DHX58: variants seen among roughly 807,000 people sequenced by gnomAD.
The protein encoded by DHX58 is ATP-dependent RNA helicase DHX58.
A neutral mutation model predicts 65.0 loss-of-function variants in DHX58; 51 were observed. The ratio of observed to expected loss-of-function variants is 0.78; its 90% CI spans 0.63 to 0.99. The LOEUF is 0.99. DHX58 is among the 50% of genes least tolerant of loss of function. The pLI, the probability that DHX58 is intolerant of heterozygous loss-of-function variation, is 0.00. For synonymous variants in DHX58, 350 were observed against 365.0 expected (o/e 0.96, Z 0.47); for missense variants, 773 against 891.8 (o/e 0.87, Z 1.70).
At chr17:42,108,526 G>A (rs971268150) in intron 6 of DHX58, among the ~76,000 whole-genome samples, 6 of 152,182 alleles carry the variant, frequency 3.9e-5, no homozygotes, top group African/African-American at 1.2e-4. Flanking sequence ...GGTTCAGCTC[G>A]GCACGGCAGG....
At position 42,104,931 on chromosome 17, in the gene DHX58, G is replaced by A; in HGVS notation, c.1402-4C>T. On this transcript the variant is annotated splice_polypyrimidine_tract_variant and splice_region_variant and intron_variant, in intron 10 of 13. Transcript: ENST00000251642. ...CGGCCCGGGCACGGCCCCTGGCCTG[G>A]GAAGAGAGACAAGGGGTGTCCTGAG... The A allele has an allele frequency of 6.2e-7, 1 of 1,614,024 alleles. No homozygotes were observed. Among genetic ancestry groups the A allele is most frequent in the Non-Finnish European group, 8.5e-7 (1 of 1,180,000 alleles).
chr17:42,109,766 G>A (rs1239672445), intron 5 of DHX58, among the ~76,000 whole-genome samples: 4 of 151,932 alleles, frequency 2.6e-5, no homozygotes, highest in African/African-American at 7.3e-5. Flanking sequence ...ATGGTGGCAC[G>A]CGCCTGTAGT....
chr17:42,104,720 C>T (rs782514139), intron 11 of DHX58, 46 bp downstream of exon 11: 2 of 1,602,272 alleles, frequency 1.2e-6, no homozygotes, highest in East Asian at 2.2e-5. Context: ...GGGAGGGGCT[C>T]CCTCCTCCCC....
chr17:42,107,567 A>G (rs781973889), intron 8 of DHX58, 37 bp downstream of exon 8: 5 of 1,509,350 alleles, frequency 3.3e-6, no homozygotes, highest in Admixed American at 2.1e-5. Flanking sequence ...TCCAGGTCCC[A>G]TCATCCCCGG....
intron 4 of DHX58, 78 bp from the exon 5 acceptor site, chr17:42,110,991 A>G: frequency 6.9e-7 from 1 of 1,456,068 alleles, no homozygotes; most frequent in Non-Finnish European, 9.3e-7. Context: ...AGTCCCCACA[A>G]TGATGTAAGA....
intron 12 of DHX58, chr17:42,102,592 C>T: frequency 2.8e-6 from 1 of 354,270 alleles, no homozygotes; most frequent in South Asian, 4.5e-5. Context: ...CAATCCCAAG[C>T]CATCCTTCCA....
rs782199102 is a variant in DHX58 at position 42,104,764 on chromosome 17, A to T, written c.1563+2T>A. Reference sequence around the variant, plus strand: ...CACAGGGCATGCAGGCTGCCTGCAGACCTTGGCCTGGTACTCGGCCTGGTC... The same window carrying T: ...CACAGGGCATGCAGGCTGCCTGCAGTCCTTGGCCTGGTACTCGGCCTGGTC... On this transcript the variant is annotated splice_donor_variant, in intron 11 of 13. Transcript: ENST00000251642. LOFTEE classifies it high-confidence loss of function. 1 of 1,613,656 alleles carries T rather than the reference A, an allele frequency of 6.2e-7. No individual in the cohort carries two copies. Among genetic ancestry groups the T allele is most frequent in the Non-Finnish European group, 8.5e-7 (1 of 1,179,924 alleles).
At chr17:42,104,210 A>C (rs1337256963) in intron 11 of DHX58, among the ~76,000 whole-genome samples, 1 of 144,330 alleles carries the variant, frequency 6.9e-6, no homozygotes, top group Non-Finnish European at 1.5e-5. Context: ...CGTCTCGGGG[A>C]AAAAAAAAAA....
Position 42,111,310 on chromosome 17 carries a change from T to C in DHX58, c.356A>G (p.His119Arg). The change falls in exon 4 of 14, where the codon CAC becomes CGC. Residue 119 changes from histidine (H) to arginine (R), a missense_variant. Physicochemically the swap from His to Arg is conservative, Grantham distance 29 (BLOSUM62 0). Transcript: ENST00000251642. Reference sequence around the variant, plus strand: ...ATGGCCCTCACCAGTGAGCTCCACGTGCTCCTCCTCCTCGGGGCTGGTCAG... The same window carrying C: ...ATGGCCCTCACCAGTGAGCTCCACGCGCTCCTCCTCCTCGGGGCTGGTCAG... ...MALTSPEEEE[H>R]VELTVFSLIV... is the part of the protein sequence containing the mutation. 1 of 1,612,702 alleles carries C rather than the reference T, an allele frequency of 6.2e-7. No homozygotes were observed.
chr17:42,103,235 G>C, intron 12 of DHX58: 1 of 248,384 alleles, frequency 4.0e-6, no homozygotes, highest in South Asian at 4.9e-5. Flanking sequence ...AATGGATGGA[G>C]GATGGGGGAA....
intron 13 of DHX58, 50 bp from the exon 14 acceptor site, chr17:42,101,996 G>A (rs782431551): frequency 3.2e-6 from 5 of 1,550,238 alleles, no homozygotes; most frequent in Non-Finnish European, 2.6e-6. Context: ...CCTCAGACTG[G>A]GCTTCTCTCC....
chr17:42,102,151 C>T lies in DHX58; in HGVS notation c.1851+65G>A. Reference sequence around the variant, plus strand: ...TGTCTCCCGTGTCCTAGTGAGGGCTCCCTGAGGGCCTCTGAAGACTGGGGC... The same window carrying T: ...TGTCTCCCGTGTCCTAGTGAGGGCTTCCTGAGGGCCTCTGAAGACTGGGGC... On this transcript the variant is annotated intron_variant, in intron 13 of 13. Coordinates refer to ENST00000251642, the MANE Select transcript of DHX58 (RefSeq NM_024119.3). The T allele has an allele frequency of 1.9e-6, 3 of 1,576,188 alleles. No homozygotes were observed. The Admixed American group carries it at 5.0e-5, about 26-fold the overall frequency.
chr17:42,109,134 A>G, intron 6 of DHX58, 136 bp downstream of exon 6: 1 of 686,922 alleles, frequency 1.5e-6, no homozygotes, highest in Non-Finnish European at 2.3e-6. Context: ...ATTTCACAGA[A>G]AGGAGAAATT....
In DHX58 at chr17:42,104,744, G is replaced by T. The variant is rs782465515; in HGVS notation, c.1563+22C>A. On this transcript the variant is annotated intron_variant, in intron 11 of 13. Transcript: ENST00000251642. ...TCCCTCCTCCCCATCCCTCCCACAG[G>T]GCATGCAGGCTGCCTGCAGACCTTG... 15 of 1,612,230 alleles carry T rather than the reference G, an allele frequency of 9.3e-6. No individual in the cohort carries two copies. In the African/African-American group the frequency reaches 2.0e-4, roughly 22 times the overall value.
chr17:42,105,975 G>C lies in DHX58; in HGVS notation c.1012C>G (p.Leu338Val), dbSNP rs782467156. 1 of 1,613,052 alleles carries C rather than the reference G, an allele frequency of 6.2e-7. No homozygotes were observed. The highest frequency in any genetic ancestry group is 8.5e-7 in the Non-Finnish European group (1 of 1,179,640). The change falls in exon 9 of 14, where the codon CTG becomes GTG. Residue 338 changes from leucine (L) to valine (V), a missense_variant. Physicochemically the swap from Leu to Val is conservative, Grantham distance 32. Coordinates refer to ENST00000251642, the MANE Select transcript of DHX58 (RefSeq NM_024119.3). The part of the protein sequence containing the change: ...LALFDDRKNE[L>V]AHLATHGPEN... The stretch of plus-strand genomic sequence containing the variant: ...GGGCCATGAGTTGCCAAGTGGGCCA[G>C]CTCATTCTTGCGGTCTGTCAAAAAC...
intron 1 of DHX58, 63 bp from the exon 2 acceptor site, chr17:42,112,268 C>T: frequency 5.5e-6 from 1 of 181,650 alleles, no homozygotes; most frequent in African/African-American, 2.3e-5. Context: ...GGAAAAAGAA[C>T]CAAGAGAAAA....
At position 42,103,694 on chromosome 17, in the gene DHX58, G is replaced by A. The variant is rs782618742; in HGVS notation, c.1668C>T (p.Cys556=). ...QFPVEHVQLL[C]INCMVAVGHG... ...GGCCCACAGCCACCATGCAGTTGAT[G>A]CAGAGTAGCTGCACGTGCTCCACTG... Residue 556 remains cysteine, a synonymous_variant, in exon 12 of 14, where the codon TGC becomes TGT. Coordinates refer to ENST00000251642, the MANE Select transcript of DHX58 (RefSeq NM_024119.3). 5.0e-6 allele frequency: 8 copies of A among 1,613,856 alleles called. No individual in the cohort carries two copies. In the South Asian group the frequency reaches 5.5e-5, roughly 11 times the overall value.
Position 42,104,813 on chromosome 17 carries a change from C to A in DHX58, c.1516G>T (p.Ala506Ser). The change falls in exon 11 of 14, where the codon GCA becomes TCA. Residue 506 changes from alanine (A) to serine (S), a missense_variant. Physicochemically the swap from Ala to Ser is moderately conservative, Grantham distance 99. Coordinates refer to ENST00000251642, the MANE Select transcript of DHX58 (RefSeq NM_024119.3). ...TCCATTTTCTGCACAGCAGCCACTG[C>A]CTGCTCCATCAGCGTCTCCAGCGCC... ...NEALETLMEQAVAAVQKMDQA... is the reference protein window; with the variant it reads ...NEALETLMEQSVAAVQKMDQA... 6.2e-7 allele frequency: 1 copy of A among 1,614,142 alleles called. No homozygotes were observed. Among genetic ancestry groups the A allele is most frequent in the Non-Finnish European group, 8.5e-7 (1 of 1,180,028 alleles).
rs782206062 is a variant in DHX58, at chr17:42,107,721, G to A, written c.880C>T (p.His294Tyr). 6.2e-7 allele frequency: 1 copy of A among 1,609,388 alleles called. No individual in the cohort carries two copies. Among genetic ancestry groups the A allele is most frequent in the East Asian group, 2.2e-5 (1 of 44,712 alleles). ...GCATCCACGGCGCGGACGGTGTCAT[G>A]GATGAGCAGCGCGTCATTGTAGCGC... ...LRRYNDALLI[H>Y]DTVRAVDALA... is the part of the protein sequence containing the mutation. Residue 294 changes from histidine (H) to tyrosine (Y), a missense_variant, in exon 8 of 14, where the codon CAT becomes TAT. Transcript: ENST00000251642.
Sources: allele counts gnomAD v4.1 joint callset (sites outside exome capture counted in the v4.1 genomes callset), GRCh38; gene constraint gnomAD v4.1.1; transcripts MANE v1.5; gene names NCBI Gene and HGNC (gene_info 2026-07-23, HGNC 2026-07-21).